Variants in RPS6KA3 observed in about 807,000 individuals in gnomAD.
RPS6KA3 encodes the protein ribosomal protein S6 kinase alpha-3.
Under a neutral mutation model 67.2 loss-of-function variants are expected in RPS6KA3, and 4 were observed. The ratio of observed to expected loss-of-function variants is 0.06; its 90% CI spans 0.03 to 0.14. The LOEUF (loss-of-function observed/expected upper bound fraction) is 0.14. Ranked by LOEUF, RPS6KA3 falls within the 10% of genes least tolerant of loss-of-function variation. The pLI, the probability that RPS6KA3 is intolerant of heterozygous loss-of-function variation, is 1.00. For synonymous variants in RPS6KA3, 182 were observed against 183.7 expected, an observed-to-expected ratio of 0.99 and a Z score of 0.07; for missense variants, 204 against 559.0, an observed-to-expected ratio of 0.36 and a Z score of 6.40.
intron 1 of RPS6KA3, among the ~76,000 whole-genome samples, chrX:20,261,804 A>G (rs1043408920): frequency 1.8e-5 from 2 of 112,200 alleles, no homozygotes; most frequent in African/African-American, 6.5e-5. Flanking sequence ...CTGATAAACT[A>G]GAATATCTGA....
chrX:20,219,774 C>T (rs1268019432), intron 2 of RPS6KA3, among the ~76,000 whole-genome samples: 1 of 111,365 alleles, frequency 9.0e-6, no homozygotes, highest in African/African-American at 3.3e-5. Context: ...GACAGGTATG[C>T]CAATATTCAG....
chrX:20,167,859 A>T, intron 16 of RPS6KA3, 112 bp from the exon 17 acceptor site: 1 of 503,418 alleles, frequency 2.0e-6, no homozygotes, highest in Non-Finnish European at 3.4e-6. Flanking sequence ...GACAAATTTT[A>T]TTTATTTATT....
At chrX:20,188,371 T>A in intron 8 of RPS6KA3, 126 bp downstream of exon 8, 1 of 443,121 alleles carries the variant, frequency 2.3e-6, no homozygotes, top group East Asian at 3.9e-5. Flanking sequence ...CCACTACGCC[T>A]GGCCCTAATA....
chrX:20,222,319 G>A (rs1385096675), intron 2 of RPS6KA3, among the ~76,000 whole-genome samples: 1 of 111,971 alleles, frequency 8.9e-6, no homozygotes. Context: ...TGAGGCCTTA[G>A]ACCCAAGAAA....
At chrX:20,235,010 C>A (rs2069371883) in intron 1 of RPS6KA3, among the ~76,000 whole-genome samples, 196 bp from the exon 2 acceptor site, 1 of 111,515 alleles carries the variant, frequency 9.0e-6, no homozygotes, top group Non-Finnish European at 1.9e-5. Flanking sequence ...TTATTTGAAA[C>A]TATAAAAACA....
chrX:20,202,817 A>G (rs2068474706), intron 4 of RPS6KA3, among the ~76,000 whole-genome samples: 1 of 112,468 alleles, frequency 8.9e-6, no homozygotes, highest in Admixed American at 9.4e-5. Context: ...TCATCTATGC[A>G]GCTTTGTAAC....
At position 20,186,376 on chromosome X, in the gene RPS6KA3, G is replaced by C; in HGVS notation, c.775-10C>G. On this transcript the variant is annotated splice_polypyrimidine_tract_variant and intron_variant, in intron 9 of 21. Transcript: ENST00000379565. ...CAGTAAGCATTTCAAACTACAGAAA[G>C]GCAAAATAATCAGAAGTGTTAGTCA... 4.5e-6 allele frequency: 5 copies of C among 1,099,010 alleles called. No homozygotes were observed. Among genetic ancestry groups the C allele is most frequent in the Non-Finnish European group, 6.3e-6 (5 of 796,020 alleles). 90.6% of individuals were successfully genotyped at this position (1,099,010 alleles called of 1,213,427 possible). A position where few individuals can be genotyped will look rare whatever the true frequency, so the allele number is the denominator to read the frequency against.
intron 4 of RPS6KA3, among the ~76,000 whole-genome samples, chrX:20,199,011 A>G (rs1276693086): frequency 9.0e-6 from 1 of 110,764 alleles, no homozygotes; most frequent in Non-Finnish European, 1.9e-5. Flanking sequence ...AGCTGAGATT[A>G]CAGGTGCCCG....
At chrX:20,251,591 A>G (rs1009372275) in intron 1 of RPS6KA3, among the ~76,000 whole-genome samples, 2 of 113,164 alleles carry the variant, frequency 1.8e-5, no homozygotes, top group African/African-American at 6.4e-5. Flanking sequence ...TGCTTTAAAG[A>G]TTCTTTAATT....
intron 1 of RPS6KA3, among the ~76,000 whole-genome samples, chrX:20,257,160 C>T (rs2070094667): frequency 9.0e-6 from 1 of 111,688 alleles, no homozygotes; most frequent in Non-Finnish European, 1.9e-5. Context: ...TTGATATACA[C>T]AAAGTGACTT....
rs1406774782 is a variant in RPS6KA3 at position 20,158,387 on chromosome X, A to AAAAAGAG, written c.1960-2139_1960-2138insCTCTTTT. Among the ~76,000 whole-genome samples the AAAAAGAG allele has an allele frequency of 3.5e-4, 34 of 97,395 alleles. 1 individual carries two copies. The highest frequency in any genetic ancestry group is 1.5e-3 in the African/African-American group (34 of 23,446). The allele number at this position is 97,395 out of a possible 115,157, so 84.6% of individuals were successfully genotyped here. A position where few individuals can be genotyped will look rare whatever the true frequency, so the allele number is the denominator to read the frequency against. The stretch of plus-strand genomic sequence containing the variant: ...TCTCAAAAAAAAAAAAAAAAAAAAA[A>AAAAAGAG]AGAGAGAGAGAGAGAGAGAAATGGA... On this transcript the variant is annotated intron_variant, in intron 20 of 21. Coordinates refer to ENST00000379565, the MANE Select transcript of RPS6KA3 (RefSeq NM_004586.3).
chrX:20,228,889 G>A (rs762262233), intron 2 of RPS6KA3, among the ~76,000 whole-genome samples: 1 of 111,591 alleles, frequency 9.0e-6, no homozygotes, highest in Non-Finnish European at 1.9e-5. Flanking sequence ...TGTTTTGGGC[G>A]GTAATTTCCC....
chrX:20,252,246 G>A (rs895325396), intron 1 of RPS6KA3, among the ~76,000 whole-genome samples: 4 of 111,834 alleles, frequency 3.6e-5, no homozygotes, highest in Non-Finnish European at 1.9e-5. Context: ...TGTGATGGCT[G>A]CTTTAAAATT....
intron 15 of RPS6KA3, 45 bp downstream of exon 15, chrX:20,172,701 T>C: frequency 2.7e-6 from 3 of 1,107,276 alleles, no homozygotes; most frequent in Non-Finnish European, 3.7e-6. Context: ...CTGACATGCA[T>C]GAACAAGAAC....
chrX:20,159,869 A>G (rs2067267606), intron 20 of RPS6KA3, among the ~76,000 whole-genome samples: 1 of 111,647 alleles, frequency 9.0e-6, no homozygotes, highest in Non-Finnish European at 1.9e-5. Context: ...ATGTGTTTTA[A>G]CAGCTCCACA....
intron 7 of RPS6KA3, among the ~76,000 whole-genome samples, chrX:20,192,603 T>C (rs1389203846): frequency 5.5e-5 from 5 of 90,929 alleles, no homozygotes; most frequent in Non-Finnish European, 8.7e-5. Flanking sequence ...TTTTTTTTTT[T>C]TTTTTTTTTT....
chrX:20,239,865 C>A (rs954423581), intron 1 of RPS6KA3, among the ~76,000 whole-genome samples: 5 of 111,347 alleles, frequency 4.5e-5, no homozygotes, highest in Non-Finnish European at 7.6e-5. Flanking sequence ...ATGGAAAATT[C>A]TGAGGTTAAA....
At chrX:20,169,874 C>G (rs759968374) in intron 15 of RPS6KA3, among the ~76,000 whole-genome samples, 1 of 110,539 alleles carries the variant, frequency 9.0e-6, no homozygotes, top group Admixed American at 9.5e-5. Flanking sequence ...TCTAACCCCC[C>G]ATCAATACAG....
Position 20,155,093 on chromosome X carries a change from T to A in RPS6KA3, c.*305A>T. Reference sequence around the variant, plus strand: ...TTCCTATAAAAATAATGCTATATGGTGTACTTTATTCAGTGTATTTTTAGG... The same window carrying A: ...TTCCTATAAAAATAATGCTATATGGAGTACTTTATTCAGTGTATTTTTAGG... On this transcript the variant is annotated 3_prime_UTR_variant, in exon 22 of 22. Coordinates refer to ENST00000379565, the MANE Select transcript of RPS6KA3 (RefSeq NM_004586.3). 3.2e-6 allele frequency: 1 copy of A among 308,269 alleles called. No homozygotes were observed. The allele number at this position is 308,269 out of a possible 1,213,427, so 25.4% of individuals were successfully genotyped here.
Sources: gnomAD v4.1 joint callset for allele counts (sites outside exome capture counted in the v4.1 genomes callset) on GRCh38, gnomAD v4.1.1 for gene constraint, MANE v1.5 for transcripts, NCBI Gene and HGNC (gene_info 2026-07-23, HGNC 2026-07-21) for gene names.